Variants in GRIA1 observed in about 807,000 individuals in gnomAD.
GRIA1 encodes glutamate receptor 1.
GRIA1 carries 31 observed loss-of-function variants against 99.2 expected under a neutral mutation model. The ratio of observed to expected loss-of-function variants is 0.31; its 90% CI spans 0.23 to 0.42. The LOEUF is 0.42. Among genes scored for constraint, GRIA1 ranks in the 10% least tolerant of loss-of-function variants. The pLI, the probability that GRIA1 is intolerant of heterozygous loss-of-function variation, is 1.00. For synonymous variants in GRIA1, 438 were observed against 432.4 expected (o/e 1.01, Z -0.16); for missense variants, 782 against 1,157.5 (o/e 0.68, Z 4.71).
chr5:153,628,983 G>C (rs1752728826), intron 2 of GRIA1, among the ~76,000 whole-genome samples: 3 of 152,156 alleles, frequency 2.0e-5, no homozygotes, highest in Admixed American at 2.0e-4. Flanking sequence ...GGGAACTGCA[G>C]GCAACTGCAG....
intron 2 of GRIA1, among the ~76,000 whole-genome samples, chr5:153,560,521 C>T (rs1425658044): frequency 2.0e-5 from 3 of 152,122 alleles, no homozygotes; most frequent in Non-Finnish European, 2.9e-5. Flanking sequence ...GTGCTGTCCT[C>T]GTGACAGTGA....
intron 13 of GRIA1, among the ~76,000 whole-genome samples, chr5:153,790,400 G>A (rs1284625679): frequency 1.3e-5 from 2 of 152,182 alleles, no homozygotes; most frequent in East Asian, 1.9e-4. Flanking sequence ...TTGGGGAAGA[G>A]AACAAAACAT....
intron 8 of GRIA1, among the ~76,000 whole-genome samples, chr5:153,697,308 C>G (rs1011283166): frequency 1.3e-5 from 2 of 152,228 alleles, no homozygotes; most frequent in Non-Finnish European, 2.9e-5. Context: ...TCTCAGACTT[C>G]TTTGCATCTC....
chr5:153,789,669 C>T (rs1765177997), intron 13 of GRIA1, among the ~76,000 whole-genome samples: 1 of 152,098 alleles, frequency 6.6e-6, no homozygotes, highest in Non-Finnish European at 1.5e-5. Flanking sequence ...TTTTCCACAC[C>T]TCTGATCCTA....
At chr5:153,810,574 G>A (rs1766746824) in intron 15 of GRIA1, among the ~76,000 whole-genome samples, 1 of 152,148 alleles carries the variant, frequency 6.6e-6, no homozygotes, top group African/African-American at 2.4e-5. Context: ...TAGACATGGA[G>A]GTTTAAAAGT....
At position 153,811,489 on chromosome 5, in the gene GRIA1, C is replaced by T. The variant is rs970286196; in HGVS notation, c.*264C>T. The stretch of plus-strand genomic sequence containing the variant: ...TGTACTGCAATAAGGGGAGAGTAAC[C>T]CTGTCTAATGAAACCTGTGTCTCTG... On this transcript the variant is annotated 3_prime_UTR_variant, in exon 16 of 16. Transcript: ENST00000285900. 2.4e-6 allele frequency: 1 copy of T among 413,786 alleles called. No individual in the cohort carries two copies. The highest frequency in any genetic ancestry group is 4.5e-6 in the Non-Finnish European group (1 of 221,832). 25.6% of individuals were successfully genotyped at this position (413,786 alleles called of 1,614,324 possible). A position where few individuals can be genotyped will look rare whatever the true frequency, so the allele number is the denominator to read the frequency against.
At chr5:153,682,662 T>C (rs1163059914) in intron 7 of GRIA1, among the ~76,000 whole-genome samples, 1 of 152,038 alleles carries the variant, frequency 6.6e-6, no homozygotes. Flanking sequence ...CAATTTCCTA[T>C]CCACTGACCC....
chr5:153,799,827 G>C (rs191122657), intron 14 of GRIA1, among the ~76,000 whole-genome samples: 41 of 152,230 alleles, frequency 2.7e-4, no homozygotes, highest in African/African-American at 8.9e-4. Context: ...TTCACCTCCA[G>C]ACATAATCAG....
chr5:153,669,816 T>C (rs149991302), intron 5 of GRIA1, among the ~76,000 whole-genome samples: 482 of 152,324 alleles, frequency 3.2e-3, no homozygotes, highest in African/African-American at 0.011. Flanking sequence ...TTATCAACTT[T>C]AACTCCATAT....
At chr5:153,727,427 G>T (rs1760641900) in intron 11 of GRIA1, among the ~76,000 whole-genome samples, 2 of 152,282 alleles carry the variant, frequency 1.3e-5, no homozygotes, top group South Asian at 4.1e-4. Flanking sequence ...ATTCAATTAG[G>T]AAAAGAGGAA....
Position 153,650,426 on chromosome 5 carries a change from G to T in GRIA1, c.557G>T (p.Arg186Leu). 1.2e-6 allele frequency: 2 copies of T among 1,614,004 alleles called. No homozygotes were observed. The highest frequency in any genetic ancestry group is 8.5e-7 in the Non-Finnish European group (1 of 1,179,928). Residue 186 changes from arginine (R) to leucine (L), a missense_variant, in exon 4 of 16, where the codon CGG becomes CTG. Arg to Leu is a moderately radical substitution (Grantham distance 102, BLOSUM62 -2). Coordinates refer to ENST00000285900, the MANE Select transcript of GRIA1 (RefSeq NM_000827.4). ...NILTTTEEGY[R>L]MLFQDLEKKK... ...TTGACAACCACAGAGGAGGGATACC[G>T]GATGCTCTTTCAGGACCTGGAGAAG... is the stretch of plus-strand genomic sequence containing the variant.
intron 2 of GRIA1, among the ~76,000 whole-genome samples, chr5:153,584,690 G>A (rs558866842): frequency 1.3e-5 from 2 of 152,254 alleles, no homozygotes; most frequent in South Asian, 4.2e-4. Flanking sequence ...GCCTTCAGAT[G>A]AGAATGGAAA....
chr5:153,663,146 C>T (rs1755493331), intron 5 of GRIA1, among the ~76,000 whole-genome samples: 1 of 152,212 alleles, frequency 6.6e-6, no homozygotes, highest in South Asian at 2.1e-4. Context: ...CACCCCCATC[C>T]TCTGAGAGAA....
intron 14 of GRIA1, among the ~76,000 whole-genome samples, chr5:153,801,672 C>T (rs1373146423): frequency 6.6e-6 from 1 of 152,114 alleles, no homozygotes; most frequent in Non-Finnish European, 1.5e-5. Context: ...ATCAATTAAG[C>T]ATAATTATTA....
intron 13 of GRIA1, among the ~76,000 whole-genome samples, chr5:153,784,462 T>C (rs2149643541): frequency 6.6e-6 from 1 of 152,316 alleles, no homozygotes; most frequent in South Asian, 2.1e-4. Flanking sequence ...AAAGCCTCTG[T>C]CTTCTGCTGA....
chr5:153,765,789 A>G (rs1561842308), intron 12 of GRIA1, among the ~76,000 whole-genome samples: 1 of 152,202 alleles, frequency 6.6e-6, no homozygotes, highest in African/African-American at 2.4e-5. Flanking sequence ...ACCCTACACA[A>G]ATTATCTCAT....
intron 2 of GRIA1, among the ~76,000 whole-genome samples, chr5:153,622,327 C>A (rs1873907): frequency 0.23 from 35,365 of 152,094 alleles, 4,536 homozygotes; most frequent in Non-Finnish European, 0.3. Flanking sequence ...GTAATCCAAA[C>A]GAGTACCTCA....
At chr5:153,671,457 G>A (rs964426529) in intron 5 of GRIA1, among the ~76,000 whole-genome samples, 8 of 152,088 alleles carry the variant, frequency 5.3e-5, no homozygotes, top group Admixed American at 1.3e-4. Context: ...TCTCTTAGAT[G>A]GTATAACGTC....
chr5:153,753,921 A>G (rs1762655226), intron 11 of GRIA1, among the ~76,000 whole-genome samples: 1 of 152,216 alleles, frequency 6.6e-6, no homozygotes, highest in African/African-American at 2.4e-5. Flanking sequence ...GAAATTTCCA[A>G]GTGCTTTCCC....
Sources: allele counts gnomAD v4.1 joint callset (sites outside exome capture counted in the v4.1 genomes callset), GRCh38; gene constraint gnomAD v4.1.1; transcripts MANE v1.5; gene names NCBI Gene and HGNC (gene_info 2026-07-23, HGNC 2026-07-21).